The following DLG2 variants were observed in gnomAD, a reference collection of about 807,000 sequenced individuals.
DLG2 encodes disks large homolog 2.
A neutral mutation model predicts 132.5 loss-of-function variants in DLG2; 45 were observed. That is an observed-to-expected ratio of 0.34 (90% CI 0.27 to 0.44). The LOEUF is 0.44. Ranked by LOEUF, DLG2 falls within the 20% of genes least tolerant of loss-of-function variation. DLG2 has a pLI of 1.00. For synonymous variants in DLG2, 424 were observed against 419.6 expected, an observed-to-expected ratio of 1.01 and a Z score of -0.13; for missense variants, 1,045 against 1,196.9, an observed-to-expected ratio of 0.87 and a Z score of 1.87.
At chr11:84,832,141 T>C (rs533392492) in intron 6 of DLG2, among the ~76,000 whole-genome samples, 5 of 151,806 alleles carry the variant, frequency 3.3e-5, no homozygotes, top group African/African-American at 7.2e-5. Flanking sequence ...TTCTGTTTTT[T>C]ACTGCTTTAA....
At chr11:85,270,780 T>C (rs965876780) in intron 4 of DLG2, among the ~76,000 whole-genome samples, 9 of 152,152 alleles carry the variant, frequency 5.9e-5, no homozygotes, top group Admixed American at 2.6e-4. Flanking sequence ...CCCTAGAAAT[T>C]TGTGGAACTT....
chr11:85,620,639 A>G (rs1013391738), intron 2 of DLG2, among the ~76,000 whole-genome samples: 19 of 152,364 alleles, frequency 1.2e-4, no homozygotes, highest in African/African-American at 3.8e-4. Context: ...AGTGATCTGA[A>G]CAGAAGATCA....
intron 7 of DLG2, among the ~76,000 whole-genome samples, chr11:84,511,326 T>G (rs1565150674): frequency 3.9e-5 from 6 of 152,124 alleles, no homozygotes; most frequent in Non-Finnish European, 1.5e-5. Context: ...CATGTATGAA[T>G]AATAAAAATG....
chr11:84,663,000 C>A lies in DLG2; in HGVS notation c.358-128269G>T, dbSNP rs1476485356. ...TACCAGGTTACAGGGTAACATCACC[C>A]TCTTCCAATTTCCTAGCCAACAAGA... On this transcript the variant is annotated intron_variant, in intron 6 of 27. Coordinates refer to ENST00000376104, the MANE Select transcript of DLG2 (RefSeq NM_001142699.3). 5.3e-5 allele frequency among the ~76,000 whole-genome samples: 8 copies of A among 151,966 alleles called. 1 individual carries two copies. The highest frequency in any genetic ancestry group is 3.3e-4 in the Admixed American group (5 of 15,244).
intron 3 of DLG2, among the ~76,000 whole-genome samples, chr11:85,492,448 T>C (rs994496880): frequency 2.6e-5 from 4 of 152,150 alleles, no homozygotes; most frequent in Admixed American, 2.6e-4. Context: ...TAAAAAAAAC[T>C]GCAGTGTAAA....
chr11:84,899,714 TCAC>T (rs1328188495), intron 6 of DLG2, among the ~76,000 whole-genome samples: 2 of 152,096 alleles, frequency 1.3e-5, no homozygotes, highest in Non-Finnish European at 2.9e-5. Flanking sequence ...GGGAGCATCT[TCAC>T]CACTCAGAGA....
At chr11:84,365,371 T>C (rs888839118) in intron 7 of DLG2, among the ~76,000 whole-genome samples, 2 of 152,144 alleles carry the variant, frequency 1.3e-5, no homozygotes, top group African/African-American at 4.8e-5. Flanking sequence ...CCCTTTATTA[T>C]TTTTTATTGC....
chr11:84,399,719 T>C (rs974699967), intron 7 of DLG2, among the ~76,000 whole-genome samples: 1 of 152,210 alleles, frequency 6.6e-6, no homozygotes, highest in African/African-American at 2.4e-5. Context: ...GCCTGACCCA[T>C]GATAGCATTT....
intron 15 of DLG2, among the ~76,000 whole-genome samples, chr11:83,889,427 G>C (rs1025642532): frequency 6.7e-5 from 10 of 149,862 alleles, no homozygotes; most frequent in Non-Finnish European, 1.3e-4. Context: ...ACACCAGTTA[G>C]AATGCCAATC....
chr11:85,180,024 GA>G (rs1328606721), intron 4 of DLG2, among the ~76,000 whole-genome samples: 11 of 151,848 alleles, frequency 7.2e-5, no homozygotes, highest in Non-Finnish European at 1.5e-4. Flanking sequence ...TAACCTTTGT[GA>G]CCATTCTATT....
At chr11:83,952,152 C>G (rs1205810231) in intron 14 of DLG2, among the ~76,000 whole-genome samples, 1 of 152,052 alleles carries the variant, frequency 6.6e-6, no homozygotes, top group Non-Finnish European at 1.5e-5. Context: ...TCGAGACTAG[C>G]CTGCCCAACA....
chr11:84,816,466 T>C (rs2077095825), intron 6 of DLG2, among the ~76,000 whole-genome samples: 1 of 151,964 alleles, frequency 6.6e-6, no homozygotes, highest in South Asian at 2.1e-4. Context: ...CTTTTCCACA[T>C]GGTCTCGGTG....
chr11:84,223,193 A>G (rs149862013), intron 8 of DLG2, among the ~76,000 whole-genome samples: 10 of 152,224 alleles, frequency 6.6e-5, no homozygotes, highest in Admixed American at 3.3e-4. Flanking sequence ...AGGGCTCTCT[A>G]AAAACAGGAC....
intron 3 of DLG2, among the ~76,000 whole-genome samples, chr11:85,465,169 G>C (rs970194108): frequency 7.5e-6 from 1 of 132,992 alleles, no homozygotes; most frequent in Admixed American, 8.2e-5. Context: ...TTGAAACAGG[G>C]TCTTTCTCTG....
intron 6 of DLG2, among the ~76,000 whole-genome samples, chr11:84,663,493 A>G (rs978536294): frequency 2.0e-5 from 3 of 152,100 alleles, no homozygotes; most frequent in African/African-American, 7.2e-5. Flanking sequence ...GTGCGTCTCC[A>G]GAGTAGACAC....
chr11:84,980,597 G>T (rs2055601253), intron 6 of DLG2, among the ~76,000 whole-genome samples: 2 of 152,116 alleles, frequency 1.3e-5, no homozygotes. Context: ...CCCAAACAGG[G>T]TTCTTGATAC....
In DLG2 at chr11:84,892,297, A is replaced by G. The variant is rs138333811; in HGVS notation, c.357+219364T>C. Among the ~76,000 whole-genome samples, 282 of 152,308 alleles carry G rather than the reference A, an allele frequency of 1.9e-3. 1 individual carries two copies. The highest frequency in any genetic ancestry group is 6.6e-3 in the African/African-American group (274 of 41,576). On this transcript the variant is annotated intron_variant, in intron 6 of 27. Coordinates refer to ENST00000376104, the MANE Select transcript of DLG2 (RefSeq NM_001142699.3). ...GGTCATGCCAAACTCAAAAGCTGTT[A>G]GAACTATATTCATGCTGTAATCAGA...
At chr11:85,507,922 T>C (rs2093972181) in intron 3 of DLG2, among the ~76,000 whole-genome samples, 1 of 152,164 alleles carries the variant, frequency 6.6e-6, no homozygotes, top group South Asian at 2.1e-4. Context: ...CTCTTTTTTC[T>C]CTAAACTTCT....
At chr11:85,445,994 T>C (rs926095061) in intron 3 of DLG2, among the ~76,000 whole-genome samples, 6 of 152,212 alleles carry the variant, frequency 3.9e-5, no homozygotes, top group Non-Finnish European at 8.8e-5. Context: ...GCCACAAATA[T>C]GTCTGCTGAC....
Sources: gnomAD v4.1 joint callset for allele counts (sites outside exome capture counted in the v4.1 genomes callset) on GRCh38, gnomAD v4.1.1 for gene constraint, MANE v1.5 for transcripts, NCBI Gene and HGNC (gene_info 2026-07-23, HGNC 2026-07-21) for gene names.